ZZEF1: variants seen among roughly 807,000 people sequenced by gnomAD.
ZZEF1 encodes zinc finger ZZ-type and EF-hand domain containing 1.
ZZEF1 carries 157 observed loss-of-function variants against 342.8 expected under a neutral mutation model. The ratio of observed to expected loss-of-function variants is 0.46; its 90% CI spans 0.40 to 0.52. ZZEF1 has a LOEUF of 0.52. Ranked by LOEUF, ZZEF1 falls within the 20% of genes least tolerant of loss-of-function variation. The pLI, the probability that ZZEF1 is intolerant of heterozygous loss-of-function variation, is 0.00. For synonymous variants in ZZEF1, 1,505 were observed against 1,429.1 expected, an observed-to-expected ratio of 1.05 and a Z score of -1.20; for missense variants, 3,480 against 3,725.6, an observed-to-expected ratio of 0.93 and a Z score of 1.72.
At chr17:4,099,271 C>T (rs1442378861) in intron 9 of ZZEF1, among the ~76,000 whole-genome samples, 1 of 152,162 alleles carries the variant, frequency 6.6e-6, no homozygotes, top group African/African-American at 2.4e-5. Flanking sequence ...GTTGCCCAGG[C>T]TGGAGTGCAG....
Position 4,019,665 on chromosome 17 carries a change from T to C in ZZEF1, c.7505+4A>G. ...CACTTCAGCTGCACGGAAATGTCCC[T>C]TACCTCTTCTGAACCTCCAGGAAGA... On this transcript the variant is annotated splice_donor_region_variant and intron_variant, in intron 46 of 54. Transcript: ENST00000381638. The C allele has an allele frequency of 6.2e-7, 1 of 1,611,414 alleles. No homozygotes were observed. The highest frequency in any genetic ancestry group is 8.5e-7 in the Non-Finnish European group (1 of 1,178,932).
chr17:4,054,699 TCAGTCTTAGGAGTTA>T (rs2057119742), intron 33 of ZZEF1, among the ~76,000 whole-genome samples: 1 of 152,108 alleles, frequency 6.6e-6, no homozygotes, highest in East Asian at 1.9e-4. Flanking sequence ...GCCTTGCATA[TCAGTCTTAGGAGTTA>T]CAGATTGTTT....
At chr17:4,129,320 C>T (rs1308565558) in intron 1 of ZZEF1, among the ~76,000 whole-genome samples, 3 of 152,122 alleles carry the variant, frequency 2.0e-5, no homozygotes, top group South Asian at 4.1e-4. Flanking sequence ...AGCAATGTGG[C>T]GATTCCTCAA....
rs1436434748 is a variant in ZZEF1 at position 4,064,441 on chromosome 17, C to G, written c.4638G>C (p.Leu1546=). ...LSFRSMEEAR[L]VPTVKEKYPV... is the part of the protein sequence containing the mutation. ...GGTATTTCTCTTTCACTGTGGGCAC[C>G]AGTCTGGCCTCCTCCATGGATCGAA... Residue 1546 remains leucine (L), a synonymous_variant, in exon 29 of 55, where the codon CTG becomes CTC. Coordinates refer to ENST00000381638, the MANE Select transcript of ZZEF1 (RefSeq NM_015113.4). The G allele has an allele frequency of 6.2e-7, 1 of 1,614,064 alleles. No individual in the cohort carries two copies. The highest frequency in any genetic ancestry group is 2.2e-5 in the East Asian group (1 of 44,872).
At chr17:4,069,826 G>A (rs1240385984) in intron 26 of ZZEF1, among the ~76,000 whole-genome samples, 11 of 151,684 alleles carry the variant, frequency 7.3e-5, no homozygotes, top group Non-Finnish European at 1.2e-4. Flanking sequence ...GTGAGACTCC[G>A]TCTCAAAAAG....
intron 37 of ZZEF1, among the ~76,000 whole-genome samples, chr17:4,049,105 C>T (rs752902544): frequency 2.0e-4 from 31 of 152,166 alleles, no homozygotes; most frequent in South Asian, 4.1e-4. Flanking sequence ...ATGGAACTTA[C>T]TATCAACTCT....
At chr17:4,066,760 G>A (rs2057407576) in intron 27 of ZZEF1, among the ~76,000 whole-genome samples, 1 of 149,922 alleles carries the variant, frequency 6.7e-6, no homozygotes, top group African/African-American at 2.5e-5. Flanking sequence ...TACTGATAAA[G>A]AAGAAGCTGA....
At chr17:4,083,708 G>A (rs1293187339) in intron 16 of ZZEF1, among the ~76,000 whole-genome samples, 3 of 145,604 alleles carry the variant, frequency 2.1e-5, no homozygotes, top group Non-Finnish European at 3.0e-5. Flanking sequence ...CGTGATCTCC[G>A]CTCACCACAA....
At chr17:4,123,289 A>C (rs2058517436) in intron 2 of ZZEF1, among the ~76,000 whole-genome samples, 2 of 95,392 alleles carry the variant, frequency 2.1e-5, no homozygotes, top group African/African-American at 8.0e-5. Flanking sequence ...ATATATATAT[A>C]TATATATATA....
chr17:4,032,065 G>A (rs2056560771), intron 42 of ZZEF1, 61 bp downstream of exon 42: 2 of 1,524,842 alleles, frequency 1.3e-6, no homozygotes, highest in Admixed American at 2.2e-5. Context: ...ATTGATTTTA[G>A]GGTACGGAGG....
At chr17:4,090,881 G>T in intron 11 of ZZEF1, 51 bp from the exon 12 acceptor site, 1 of 1,383,442 alleles carries the variant, frequency 7.2e-7, no homozygotes. Context: ...ACTTCTCAAG[G>T]GTCTAACAAA....
In ZZEF1 at chr17:4,017,473, G is replaced by A. The variant is rs201134194; in HGVS notation, c.7899C>T (p.His2633=). The A allele has an allele frequency of 5.5e-5, 88 of 1,614,248 alleles. No homozygotes were observed. The Admixed American group carries it at 8.7e-4, about 16-fold the overall frequency. ...CCAGGATGTCCTCGCTCACTGGCAC[G>A]TGGCTAGGCCACTCGGCGAGCAGGG... ...LASLLAEWPS[H]VPVSEDILEL... The change falls in exon 48 of 55, where the codon CAC becomes CAT. Residue 2633 remains histidine, a synonymous_variant. Transcript: ENST00000381638. This position sits in a 1 kb window ranked among gnomAD's most constrained non-coding sequence, Gnocchi z 5.1.
At chr17:4,088,574 T>C (rs1246341930) in intron 13 of ZZEF1, 104 bp downstream of exon 13, 7 of 1,239,186 alleles carry the variant, frequency 5.6e-6, no homozygotes, top group African/African-American at 3.0e-5. Flanking sequence ...GCCCATCCTA[T>C]TGGCTTCCGC....
At chr17:4,039,633 A>T (rs1351847352) in intron 39 of ZZEF1, among the ~76,000 whole-genome samples, 1 of 150,654 alleles carries the variant, frequency 6.6e-6, no homozygotes, top group Non-Finnish European at 1.5e-5. Context: ...AGGCACATAG[A>T]AAGAGAACTT....
intron 26 of ZZEF1, 28 bp from the exon 27 acceptor site, chr17:4,067,270 A>T: frequency 6.3e-7 from 1 of 1,586,330 alleles, no homozygotes; most frequent in South Asian, 1.1e-5. Context: ...GATGGAGATT[A>T]CATTCAGGTA....
intron 54 of ZZEF1, among the ~76,000 whole-genome samples, chr17:4,007,958 G>A (rs765746692): frequency 4.6e-5 from 7 of 152,068 alleles, no homozygotes; most frequent in Non-Finnish European, 1.0e-4. Context: ...TGTCCTCCGG[G>A]GGGGTGGGGG....
chr17:4,042,372 C>T (rs1473031818), intron 39 of ZZEF1, 57 bp downstream of exon 39: 1 of 1,556,488 alleles, frequency 6.4e-7, no homozygotes, highest in Non-Finnish European at 8.7e-7. Context: ...TGTGGCTTTC[C>T]AAAACCTTCT....
intron 6 of ZZEF1, among the ~76,000 whole-genome samples, chr17:4,109,166 C>A (rs778967970): frequency 3.3e-5 from 5 of 152,174 alleles, no homozygotes; most frequent in Non-Finnish European, 5.9e-5. Flanking sequence ...TCCATTACTG[C>A]AGCCTGGTCT....
intron 11 of ZZEF1, 139 bp downstream of exon 11, chr17:4,095,692 C>A: frequency 2.8e-5 from 23 of 828,806 alleles, no homozygotes; most frequent in East Asian, 2.7e-5. Flanking sequence ...AGGCTTATGG[C>A]CACTGAGATG....
Sources: gnomAD v4.1 joint callset for allele counts (sites outside exome capture counted in the v4.1 genomes callset) on GRCh38, gnomAD v4.1.1 for gene constraint, Gnocchi (gnomAD v3.1) non-coding constraint, MANE v1.5 for transcripts, NCBI Gene and HGNC (gene_info 2026-07-23, HGNC 2026-07-21) for gene names.